Variants in FREM2 observed in about 807,000 individuals in gnomAD.
The protein encoded by FREM2 is FRAS1 related extracellular matrix 2, also known as FRAS1-related extracellular matrix protein 2.
In FREM2, 119 loss-of-function variants were observed where a neutral mutation model predicts 219.9. The observed-to-expected ratio is 0.54, with a 90% CI of 0.47 to 0.63. The LOEUF is 0.63. Among genes scored for constraint, FREM2 ranks in the 30% least tolerant of loss-of-function variants. The pLI, the probability that FREM2 is intolerant of heterozygous loss-of-function variation, is 0.00. For synonymous variants in FREM2, 1,562 were observed against 1,522.8 expected (o/e 1.03, Z -0.60); for missense variants, 4,030 against 3,993.6 (o/e 1.01, Z -0.25).
Position 38,784,557 on chromosome 13 carries a change from G to A in FREM2, c.5768G>A (p.Gly1923Glu). ...TCTTTTGAATTCTCTCTGCTTCCAG[G>A]AACAGCAACTGGAACTGTGCCGACT... ...ELMVVCYTQQGTATGTVPTSV... is the reference protein window; with the variant it reads ...ELMVVCYTQQETATGTVPTSV... The change falls in exon 6 of 24, where the codon GGA becomes GAA. Residue 1923 changes from glycine to glutamate, a missense_variant and splice_region_variant. Gly to Glu is a moderately conservative substitution (Grantham distance 98, BLOSUM62 -2). Transcript: ENST00000280481. 6.2e-7 allele frequency: 1 copy of A among 1,614,012 alleles called. No individual in the cohort carries two copies. The highest frequency in any genetic ancestry group is 8.5e-7 in the Non-Finnish European group (1 of 1,179,954).
In FREM2 at chr13:38,691,753, A is replaced by G; in HGVS notation, c.4409A>G (p.Glu1470Gly). ...ITRAPMRGHLECTDQPGVSIT... is the reference protein window; with the variant it reads ...ITRAPMRGHLGCTDQPGVSIT... ...AGGGCTCCCATGCGAGGTCACCTGG[A>G]ATGCACGGATCAGCCTGGTGTGTCC... is the stretch of plus-strand genomic sequence containing the variant. The change falls in exon 1 of 24, where the codon GAA (glutamate) becomes GGA (glycine). Residue 1470 changes from glutamate to glycine, a missense_variant. Physicochemically the swap from Glu to Gly is moderately conservative, Grantham distance 98. Transcript: ENST00000280481. 1.9e-6 allele frequency: 3 copies of G among 1,614,104 alleles called. No individual in the cohort carries two copies. The highest frequency in any genetic ancestry group is 2.5e-6 in the Non-Finnish European group (3 of 1,179,988).
intron 18 of FREM2, among the ~76,000 whole-genome samples, chr13:38,875,773 C>T (rs942399470): frequency 1.3e-5 from 2 of 152,158 alleles, no homozygotes; most frequent in African/African-American, 4.8e-5. Context: ...AGAGCAGAAA[C>T]AGTACTGAAG....
At chr13:38,706,345 A>G (rs1341252902) in intron 2 of FREM2, among the ~76,000 whole-genome samples, 1 of 152,228 alleles carries the variant, frequency 6.6e-6, no homozygotes, top group Non-Finnish European at 1.5e-5. Flanking sequence ...AATCGCCTAA[A>G]TATGCTTTGT....
At chr13:38,765,243 A>G (rs777253888) in intron 3 of FREM2, among the ~76,000 whole-genome samples, 6 of 152,334 alleles carry the variant, frequency 3.9e-5, no homozygotes, top group Middle Eastern at 3.4e-3. Flanking sequence ...AGAAGCATAA[A>G]ATAAAGTTGG....
At chr13:38,706,710 T>G (rs370411749) in intron 2 of FREM2, among the ~76,000 whole-genome samples, 1 of 152,212 alleles carries the variant, frequency 6.6e-6, no homozygotes, top group Middle Eastern at 3.2e-3. Context: ...CTTGTAATTT[T>G]AATATTTTTG....
chr13:38,842,517 A>G (rs1877001235), intron 6 of FREM2, among the ~76,000 whole-genome samples: 2 of 152,146 alleles, frequency 1.3e-5, no homozygotes, highest in African/African-American at 2.4e-5. Context: ...CAGAAGAAAG[A>G]TCTCATTTGG....
intron 4 of FREM2, among the ~76,000 whole-genome samples, chr13:38,781,771 G>A (rs976119836): frequency 6.6e-6 from 1 of 152,164 alleles, no homozygotes; most frequent in African/African-American, 2.4e-5. Flanking sequence ...GCAAAGATCT[G>A]TTAATACCTA....
Position 38,688,707 on chromosome 13 carries a change from C to T in FREM2, c.1363C>T (p.Arg455Trp), listed in dbSNP as rs558640263. 5.0e-6 allele frequency: 8 copies of T among 1,613,908 alleles called. No homozygotes were observed. The African/African-American group carries it at 5.3e-5, about 11-fold the overall frequency. Residue 455 changes from arginine to tryptophan, a missense_variant, in exon 1 of 24, where the codon CGG becomes TGG. Around this residue, in one of 2 missense-constraint regions of FREM2, gnomAD observed 3,102 missense variants for 2,950.7 expected, o/e 1.05. Coordinates refer to ENST00000280481, the MANE Select transcript of FREM2 (RefSeq NM_207361.6). ...TCTTATTCTCTATGAGGGTCAGTCT[C>T]GGCCCCTCACAGGCCCTGCAGGCAG... ...TGLILYEGQS[R>W]PLTGPAGSGP...
chr13:38,725,046 G>A (rs1482082733), intron 2 of FREM2, among the ~76,000 whole-genome samples: 1 of 152,110 alleles, frequency 6.6e-6, no homozygotes, highest in African/African-American at 2.4e-5. Flanking sequence ...TGCCTTTTAG[G>A]GAAGGAAAGA....
At chr13:38,784,855 A>G (rs1180592445) in intron 6 of FREM2, 47 bp downstream of exon 6, 2 of 1,596,418 alleles carry the variant, frequency 1.3e-6, no homozygotes, top group South Asian at 2.2e-5. Flanking sequence ...GAAGATCAAC[A>G]TCAGGAACAA....
intron 2 of FREM2, among the ~76,000 whole-genome samples, chr13:38,730,052 G>A (rs533293967): frequency 6.6e-6 from 1 of 152,314 alleles, no homozygotes; most frequent in African/African-American, 2.4e-5. Context: ...CCTAACGGGA[G>A]TGAACCCATG....
chr13:38,688,138 G>A lies in FREM2; in HGVS notation c.794G>A (p.Arg265His). 4 of 1,613,404 alleles carry A rather than the reference G, an allele frequency of 2.5e-6. No homozygotes were observed. Among genetic ancestry groups the A allele is most frequent in the Non-Finnish European group, 3.4e-6 (4 of 1,179,846 alleles). Residue 265 changes from arginine (R) to histidine (H), a missense_variant, in exon 1 of 24, where the codon CGC (arginine) becomes CAC (histidine). Physicochemically the swap from Arg to His is conservative, Grantham distance 29 (BLOSUM62 0). Around this residue, in one of 2 missense-constraint regions of FREM2, gnomAD observed 3,102 missense variants for 2,950.7 expected, o/e 1.05. Coordinates refer to ENST00000280481, the MANE Select transcript of FREM2 (RefSeq NM_207361.6). The stretch of plus-strand genomic sequence containing the variant: ...AAAGCTTTCCAGGAACTAGGCGTGC[G>A]CTATCGCCACACAGCCGCCAGTCGC... ...DCKAFQELGV[R>H]YRHTAASRSP... is the part of the protein sequence containing the mutation.
At chr13:38,720,527 A>T (rs970159009) in intron 2 of FREM2, among the ~76,000 whole-genome samples, 1 of 152,204 alleles carries the variant, frequency 6.6e-6, no homozygotes, top group Non-Finnish European at 1.5e-5. Context: ...ATCTTAATGA[A>T]CTAAAGGAAA....
At chr13:38,818,277 C>T (rs1269695156) in intron 6 of FREM2, among the ~76,000 whole-genome samples, 1 of 152,064 alleles carries the variant, frequency 6.6e-6, no homozygotes, top group Non-Finnish European at 1.5e-5. Context: ...GATATGGACT[C>T]AACCTAAGTA....
At chr13:38,788,081 T>A (rs1874404848) in intron 6 of FREM2, among the ~76,000 whole-genome samples, 1 of 152,134 alleles carries the variant, frequency 6.6e-6, no homozygotes, top group South Asian at 2.1e-4. Context: ...GTAAACCACG[T>A]CTTTCATATC....
At position 38,689,977 on chromosome 13, in the gene FREM2, G is replaced by T; in HGVS notation, c.2633G>T (p.Arg878Ile). The part of the protein sequence containing the change: ...LTQAPKHGHM[R>I]VSGQILHVGG... ...CAGGCACCCAAACATGGCCACATGA[G>T]AGTGTCTGGACAGATCCTGCATGTA... The change falls in exon 1 of 24, where the codon AGA becomes ATA. Residue 878 changes from arginine (R) to isoleucine (I), a missense_variant. Coordinates refer to ENST00000280481, the MANE Select transcript of FREM2 (RefSeq NM_207361.6). The T allele has an allele frequency of 6.2e-7, 1 of 1,614,126 alleles. No homozygotes were observed. Among genetic ancestry groups the T allele is most frequent in the Non-Finnish European group, 8.5e-7 (1 of 1,180,036 alleles).
At chr13:38,757,452 T>C (rs1873057513) in intron 2 of FREM2, among the ~76,000 whole-genome samples, 1 of 152,188 alleles carries the variant, frequency 6.6e-6, no homozygotes, top group South Asian at 2.1e-4. Context: ...CTTCATTTAT[T>C]CTTTTGTGCT....
At position 38,846,630 on chromosome 13, in the gene FREM2, T is replaced by C; in HGVS notation, c.6077T>C (p.Val2026Ala). ...EYSVDESAGY[V>A]EVQVWRTGTD... ...TCTGTGGATGAGAGTGCTGGCTATG[T>C]GGAAGTGCAGGTGTGGAGAACGGGC... Residue 2026 changes from valine (V) to alanine (A), a missense_variant, in exon 7 of 24, where the codon GTG becomes GCG. By Grantham distance (64) the Val-to-Ala change is moderately conservative. Around this residue, in one of 2 missense-constraint regions of FREM2, gnomAD observed 3,102 missense variants for 2,950.7 expected, o/e 1.05. Coordinates refer to ENST00000280481, the MANE Select transcript of FREM2 (RefSeq NM_207361.6). The C allele has an allele frequency of 6.2e-7, 1 of 1,613,828 alleles. No homozygotes were observed. Among genetic ancestry groups the C allele is most frequent in the Admixed American group, 1.7e-5 (1 of 60,014 alleles).
chr13:38,854,402 T>C (rs374824014), intron 11 of FREM2, among the ~76,000 whole-genome samples: 2 of 151,968 alleles, frequency 1.3e-5, no homozygotes, highest in African/African-American at 4.8e-5. Context: ...TGATAGAAAA[T>C]GGAATGATTA....
Sources: allele counts gnomAD v4.1 joint callset (sites outside exome capture counted in the v4.1 genomes callset), GRCh38; gene constraint gnomAD v4.1.1; regional missense constraint gnomAD v4.1.1; transcripts MANE v1.5; gene names NCBI Gene and HGNC (gene_info 2026-07-23, HGNC 2026-07-21).